DNAJB11: variants seen among roughly 807,000 people sequenced by gnomAD.
The protein encoded by DNAJB11 is DnaJ heat shock protein family (Hsp40) member B11.
A neutral mutation model predicts 47.2 loss-of-function variants in DNAJB11; 30 were observed. The ratio of observed to expected loss-of-function variants is 0.64; its 90% confidence interval spans 0.48 to 0.86. DNAJB11 has a LOEUF of 0.86. DNAJB11 is among the 40% of genes least tolerant of loss of function. The pLI is 0.00. For synonymous variants in DNAJB11, 151 were observed against 159.9 expected, an observed-to-expected ratio of 0.94 and a Z score of 0.42; for missense variants, 357 against 440.2, an observed-to-expected ratio of 0.81 and a Z score of 1.69.
chr3:186,576,359 C>T (rs1317886553), intron 3 of DNAJB11, among the ~76,000 whole-genome samples: 1 of 152,160 alleles, frequency 6.6e-6, no homozygotes, highest in Non-Finnish European at 1.5e-5. Flanking sequence ...TAATAACCAG[C>T]ATTAGGGGAA....
intron 4 of DNAJB11, chr3:186,578,577 G>A (rs1228259527): frequency 3.3e-5 from 5 of 152,082 alleles, no homozygotes; most frequent in Admixed American, 2.0e-4. Flanking sequence ...CTCATCAAAT[G>A]GGTATAAAAT....
chr3:186,581,033 A>G (rs11928493), intron 4 of DNAJB11: 45,958 of 182,448 alleles, frequency 0.25, 7,395 homozygotes, highest in African/African-American at 0.47. Flanking sequence ...TTCCTAAAAG[A>G]TAATCATTAC....
intron 3 of DNAJB11, 143 bp downstream of exon 3, chr3:186,576,080 T>C: frequency 1.7e-6 from 1 of 599,556 alleles, no homozygotes; most frequent in South Asian, 2.2e-5. Flanking sequence ...TTGTCCTCCC[T>C]GTGGGAAGAT....
intron 4 of DNAJB11, 36 bp downstream of exon 4, chr3:186,577,836 C>T: frequency 2.6e-6 from 4 of 1,523,558 alleles, no homozygotes; most frequent in Non-Finnish European, 3.5e-6. Context: ...ATATTGACTC[C>T]CAGAACTTGC....
chr3:186,575,750 T>G, intron 2 of DNAJB11, 90 bp from the exon 3 acceptor site: 2 of 993,566 alleles, frequency 2.0e-6, no homozygotes, highest in Admixed American at 4.3e-5. Context: ...TTAGACCCAC[T>G]GTCAAAGTAA....
At chr3:186,584,933 A>G (rs1715630790) in intron 9 of DNAJB11, among the ~76,000 whole-genome samples, 1 of 152,196 alleles carries the variant, frequency 6.6e-6, no homozygotes, top group African/African-American at 2.4e-5. Flanking sequence ...TTATGGGTGC[A>G]TGTCTAGGAT....
chr3:186,580,385 T>C (rs1022481794), intron 4 of DNAJB11: 1 of 152,224 alleles, frequency 6.6e-6, no homozygotes, highest in Non-Finnish European at 1.5e-5. Context: ...GCATGGACTT[T>C]GCAGCTAGAC....
At chr3:186,572,530 C>T (rs1366665147) in intron 2 of DNAJB11, among the ~76,000 whole-genome samples, 1 of 152,152 alleles carries the variant, frequency 6.6e-6, no homozygotes, top group African/African-American at 2.4e-5. Context: ...TTAGTAGAGA[C>T]AGGGTTTCAC....
chr3:186,574,130 A>T (rs1180788147), intron 2 of DNAJB11, among the ~76,000 whole-genome samples: 1 of 152,264 alleles, frequency 6.6e-6, no homozygotes, highest in Admixed American at 6.5e-5. Context: ...CAGAGCTAGG[A>T]TCACTGCTGG....
intron 2 of DNAJB11, among the ~76,000 whole-genome samples, chr3:186,572,605 C>T (rs746976538): frequency 1.1e-4 from 16 of 152,196 alleles, no homozygotes; most frequent in Admixed American, 3.9e-4. Flanking sequence ...ATTGGTCTGT[C>T]GTTCAATCAG....
At chr3:186,577,896 A>T (rs1157689151) in intron 4 of DNAJB11, 96 bp downstream of exon 4, 7 of 1,067,330 alleles carry the variant, frequency 6.6e-6, no homozygotes, top group Non-Finnish European at 7.9e-6. Context: ...TGTCTTTTTG[A>T]GGGTAAGAGA....
In DNAJB11 at chr3:186,583,861, T is replaced by C. The variant is rs376706044; in HGVS notation, c.741-4T>C. The C allele has an allele frequency of 7.1e-5, 114 of 1,606,974 alleles. No individual in the cohort carries two copies. Among genetic ancestry groups the C allele is most frequent in the Non-Finnish European group, 9.5e-5 (111 of 1,173,942 alleles). ...TAATGATTTTTACCTTATTCTGTTTTTAGGCACCCAATATTTGAAAGGAGA... is the reference window on the plus strand; with the variant it reads ...TAATGATTTTTACCTTATTCTGTTTCTAGGCACCCAATATTTGAAAGGAGA... On this transcript the variant is annotated splice_region_variant and splice_polypyrimidine_tract_variant and intron_variant, in intron 7 of 9. Coordinates refer to ENST00000265028, the MANE Select transcript of DNAJB11 (RefSeq NM_016306.6).
chr3:186,573,249 TGAAAG>T (rs1032496627), intron 2 of DNAJB11, among the ~76,000 whole-genome samples: 1 of 152,118 alleles, frequency 6.6e-6, no homozygotes, highest in African/African-American at 2.4e-5. Flanking sequence ...ACACAAACCT[TGAAAG>T]GAAGGAATCC....
chr3:186,571,026 A>AGCCTGTGGGGGGGGGGGGGGG, intron 1 of DNAJB11, 61 bp downstream of exon 1: 1 of 221,226 alleles, frequency 4.5e-6, no homozygotes, highest in East Asian at 9.0e-5. Flanking sequence ...GGGGGGTGGG[A>AGCCTGTGGGGGGGGGGGGGGG]GGGGGTGGGG....
At position 186,575,854 on chromosome 3, in the gene DNAJB11, T is replaced by C. The variant is rs1163712767; in HGVS notation, c.240T>C (p.Ser80=). 4 of 1,613,704 alleles carry C rather than the reference T, an allele frequency of 2.5e-6. No individual in the cohort carries two copies. The highest frequency in any genetic ancestry group is 3.4e-6 in the Non-Finnish European group (4 of 1,179,738). ...LGAAYEVLSD[S]EKRKQYDTYG... ...TTTATCCCCAGGTTCTGTCAGATAG[T>C]GAGAAACGGAAACAGTACGATACTT... The change falls in exon 3 of 10, where the codon AGT becomes AGC. Residue 80 remains serine (S), a synonymous_variant. Transcript: ENST00000265028.
rs1382103114 is a variant in DNAJB11, at chr3:186,577,901, AAGAG to A, written c.456+106_456+109del. 3.6e-5 allele frequency: 36 copies of A among 1,014,054 alleles called. 1 individual carries two copies. The Admixed American group carries it at 7.6e-4, about 21-fold the overall frequency. 62.8% of individuals were successfully genotyped at this position (1,014,054 alleles called of 1,614,324 possible). On this transcript the variant is annotated intron_variant, in intron 4 of 9. Coordinates refer to ENST00000265028, the MANE Select transcript of DNAJB11 (RefSeq NM_016306.6). ...GTACCTTCTCTGTCTTTTTGAGGGT[AAGAG>A]AGAGTGATCAAATGCACAAAATTGA...
In DNAJB11 at chr3:186,572,188, C is replaced by G. The variant is rs778841176; in HGVS notation, c.162C>G (p.Pro54=). 1.9e-6 allele frequency: 3 copies of G among 1,613,768 alleles called. No homozygotes were observed. The African/African-American group carries it at 4.0e-5, about 22-fold the overall frequency. ...GGAAACTAGCCCTGCAGCTTCATCCCGACCGGAACCCTGATGATCCACAAG... is the reference window on the plus strand; with the variant it reads ...GGAAACTAGCCCTGCAGCTTCATCCGGACCGGAACCCTGATGATCCACAAG... ...AYRKLALQLH[P]DRNPDDPQAQ... is the part of the protein sequence containing the mutation. The change falls in exon 2 of 10, where the codon CCC becomes CCG. Residue 54 remains proline (P), a synonymous_variant. Coordinates refer to ENST00000265028, the MANE Select transcript of DNAJB11 (RefSeq NM_016306.6).
chr3:186,577,249 CTTAAA>C (rs1277475155), intron 3 of DNAJB11, among the ~76,000 whole-genome samples: 2 of 152,160 alleles, frequency 1.3e-5, no homozygotes, highest in East Asian at 1.9e-4. Flanking sequence ...ATAAAAATTT[CTTAAA>C]TTAACCATTA....
chr3:186,576,662 A>T (rs919791218), intron 3 of DNAJB11, among the ~76,000 whole-genome samples: 1 of 152,118 alleles, frequency 6.6e-6, no homozygotes, highest in Non-Finnish European at 1.5e-5. Flanking sequence ...TGTTGCATAT[A>T]GTAGTTACCA....
Sources: allele counts gnomAD v4.1 joint callset (sites outside exome capture counted in the v4.1 genomes callset), GRCh38; gene constraint gnomAD v4.1.1; transcripts MANE v1.5; gene names NCBI Gene and HGNC (gene_info 2026-07-23, HGNC 2026-07-21).